The following CATSPERT variants were observed in gnomAD, a reference collection of about 807,000 sequenced individuals.
CATSPERT encodes the protein catsper channel auxiliary subunit tau.
At chr2:201,558,867 T>C in the CATSPERT span, among the ~76,000 whole-genome samples, 2 of 152,218 alleles carry the variant, frequency 1.3e-5, no homozygotes, top group Non-Finnish European at 2.9e-5. Flanking sequence ...CAAACCCACA[T>C]AGGTGACTGA....
chr2:201,576,560 G>T, the CATSPERT span, among the ~76,000 whole-genome samples: 1 of 152,114 alleles, frequency 6.6e-6, no homozygotes, highest in African/African-American at 2.4e-5. Flanking sequence ...TTTTCCTCTT[G>T]ATATTAAATG....
At chr2:201,595,029 G>A in the CATSPERT span, among the ~76,000 whole-genome samples, 5 of 152,158 alleles carry the variant, frequency 3.3e-5, no homozygotes, top group Admixed American at 6.5e-5. Context: ...GAGGAACTGC[G>A]TTCCTTTGGA....
chr2:201,615,592 C>G, the CATSPERT span, among the ~76,000 whole-genome samples: 1 of 152,106 alleles, frequency 6.6e-6, no homozygotes, highest in Non-Finnish European at 1.5e-5. Context: ...TAAATGCCCA[C>G]AAGAGAAAGC....
At chr2:201,595,114 T>A in the CATSPERT span, among the ~76,000 whole-genome samples, 2 of 152,142 alleles carry the variant, frequency 1.3e-5, no homozygotes, top group Non-Finnish European at 2.9e-5. Context: ...TGGTTTTATC[T>A]ACTTTCGGCC....
the CATSPERT span, among the ~76,000 whole-genome samples, chr2:201,505,247 T>G: frequency 6.6e-6 from 1 of 152,198 alleles, no homozygotes; most frequent in Non-Finnish European, 1.5e-5. Flanking sequence ...CATGTCTGGC[T>G]AATTTTTGTA....
At chr2:201,500,543 C>G in the CATSPERT span, among the ~76,000 whole-genome samples, 2 of 151,746 alleles carry the variant, frequency 1.3e-5, no homozygotes, top group Admixed American at 1.3e-4. Flanking sequence ...AAAAACAAAA[C>G]AAAAACACAG....
At chr2:201,601,624 G>C in the CATSPERT span, 12 of 940,030 alleles carry the variant, frequency 1.3e-5, no homozygotes, top group Non-Finnish European at 1.9e-5. Flanking sequence ...CAAATAAAAA[G>C]GCACTTACTG....
chr2:201,609,416 C>G, the CATSPERT span, among the ~76,000 whole-genome samples: 10 of 152,172 alleles, frequency 6.6e-5, no homozygotes, highest in African/African-American at 2.4e-4. Flanking sequence ...ATGGAAAATT[C>G]TCCATGACAG....
At chr2:201,549,525 C>T in the CATSPERT span, 1 of 152,064 alleles carries the variant, frequency 6.6e-6, no homozygotes, top group African/African-American at 2.4e-5. Context: ...TAACTGGTTT[C>T]AGGCTAGCTT....
chr2:201,491,264 T>G, the CATSPERT span: 2,203 of 1,537,802 alleles, frequency 1.4e-3, 8 homozygotes, highest in South Asian at 5.2e-3. Flanking sequence ...GGTAGTATCC[T>G]GACTATCTTG....
chr2:201,549,228 C>G, the CATSPERT span, among the ~76,000 whole-genome samples: 1 of 151,958 alleles, frequency 6.6e-6, no homozygotes, highest in Non-Finnish European at 1.5e-5. Context: ...TTTTCAGAAA[C>G]TAAAGTGTAA....
chr2:201,603,282 CA>C, the CATSPERT span: 3 of 1,608,666 alleles, frequency 1.9e-6, no homozygotes, highest in Non-Finnish European at 1.7e-6. Context: ...CAACCTACAA[CA>C]ATCAAAACAA....
chr2:201,585,262 C>G, the CATSPERT span, among the ~76,000 whole-genome samples: 298 of 151,928 alleles, frequency 2.0e-3, 2 homozygotes, highest in African/African-American at 6.9e-3. Context: ...GAGGGATAAC[C>G]TTAGGAGAAA....
the CATSPERT span, among the ~76,000 whole-genome samples, chr2:201,581,565 T>TATATATATATAC: frequency 1.4e-5 from 1 of 71,500 alleles, no homozygotes; most frequent in African/African-American, 6.1e-5. Context: ...TATATATATA[T>TATATATATATAC]ATATATATAT....
At chr2:201,611,766 C>A in the CATSPERT span, among the ~76,000 whole-genome samples, 1 of 151,782 alleles carries the variant, frequency 6.6e-6, no homozygotes, top group Admixed American at 6.6e-5. Context: ...TGCTAGTATC[C>A]CTAACAATTA....
At chr2:201,615,624 C>T in the CATSPERT span, among the ~76,000 whole-genome samples, 1 of 152,130 alleles carries the variant, frequency 6.6e-6, no homozygotes, top group Non-Finnish European at 1.5e-5. Context: ...AAAATTGACA[C>T]CCTAACATCA....
the CATSPERT span, among the ~76,000 whole-genome samples, chr2:201,592,754 C>G: frequency 5.3e-5 from 8 of 152,266 alleles, no homozygotes; most frequent in African/African-American, 1.9e-4. Flanking sequence ...TCTAGATTTT[C>G]TAGTTTATTT....
the CATSPERT span, among the ~76,000 whole-genome samples, chr2:201,609,052 G>T: frequency 6.6e-6 from 1 of 151,884 alleles, no homozygotes; most frequent in East Asian, 1.9e-4. Context: ...AGATAAAATA[G>T]ACTTAAAGTA....
chr2:201,551,820 A>G, the CATSPERT span, among the ~76,000 whole-genome samples: 1 of 152,060 alleles, frequency 6.6e-6, no homozygotes, highest in East Asian at 1.9e-4. Context: ...AGGCAGGAGA[A>G]TCGCTTTAAC....
Sources: gnomAD v4.1 joint callset for allele counts (sites outside exome capture counted in the v4.1 genomes callset) on GRCh38, gnomAD v4.1.1 for gene constraint, MANE v1.5 for transcripts, NCBI Gene and HGNC (gene_info 2026-07-23, HGNC 2026-07-21) for gene names.